The following RUNDC3B variants were observed in gnomAD, a reference collection of about 807,000 sequenced individuals.
RUNDC3B encodes RUN domain containing 3B.
A neutral mutation model predicts 58.4 loss-of-function variants in RUNDC3B; 33 were observed. The observed-to-expected ratio is 0.56, with a 90% CI of 0.43 to 0.75. The LOEUF (loss-of-function observed/expected upper bound fraction) is 0.75, where lower values mean the gene tolerates loss of function less well. RUNDC3B is among the 30% of genes least tolerant of loss of function. The probability of loss-of-function intolerance (pLI) is 0.00; values close to 1 mark genes in which losing one functional copy is unlikely to be tolerated. For missense variants in RUNDC3B, 501 were observed against 535.7 expected (o/e 0.94, Z 0.64); for synonymous variants, 193 against 195.2 (o/e 0.99, Z 0.10).
At chr7:87,694,138 T>C (rs1270058491) in intron 2 of RUNDC3B, 12 of 635,306 alleles carry the variant, frequency 1.9e-5, no homozygotes, top group African/African-American at 4.0e-5. Flanking sequence ...AGTATGCTTA[T>C]GCTAATTTTA....
intron 10 of RUNDC3B, among the ~76,000 whole-genome samples, chr7:87,820,780 A>T (rs1457236331): frequency 1.3e-5 from 2 of 151,314 alleles, no homozygotes; most frequent in Non-Finnish European, 3.0e-5. Context: ...AGAACCAAAG[A>T]CAAAAACCAC....
intron 5 of RUNDC3B, 121 bp from the exon 6 acceptor site, chr7:87,741,378 C>T (rs1243718271): frequency 1.8e-6 from 1 of 550,368 alleles, no homozygotes; most frequent in African/African-American, 2.0e-5. Flanking sequence ...AAATTGCAAA[C>T]AAAAAAATTC....
chr7:87,653,898 C>T (rs1823822427), intron 2 of RUNDC3B, among the ~76,000 whole-genome samples: 1 of 151,874 alleles, frequency 6.6e-6, no homozygotes, highest in African/African-American at 2.4e-5. Flanking sequence ...CTGTATTAGT[C>T]AGAATTTAAG....
chr7:87,791,818 A>G (rs1835535863), intron 8 of RUNDC3B, among the ~76,000 whole-genome samples: 1 of 152,122 alleles, frequency 6.6e-6, no homozygotes, highest in African/African-American at 2.4e-5. Context: ...AGAAAAGACC[A>G]CAAAGCAACC....
chr7:87,820,547 C>T (rs893865024), intron 10 of RUNDC3B, among the ~76,000 whole-genome samples: 8 of 152,184 alleles, frequency 5.3e-5, no homozygotes, highest in Admixed American at 2.6e-4. Context: ...ATGAGGCCAG[C>T]ATCATCCTGA....
chr7:87,721,799 GTC>G (rs905325506), intron 4 of RUNDC3B, among the ~76,000 whole-genome samples: 28 of 148,520 alleles, frequency 1.9e-4, no homozygotes, highest in Non-Finnish European at 1.3e-4. Context: ...CTCTGTCTCT[GTC>G]TCTCTCTCTC....
chr7:87,786,399 G>T (rs1254077087), intron 8 of RUNDC3B, among the ~76,000 whole-genome samples: 1 of 151,744 alleles, frequency 6.6e-6, no homozygotes. Context: ...AAAGAATTAT[G>T]TTTACATATT....
chr7:87,692,189 A>G (rs966907860), intron 2 of RUNDC3B, among the ~76,000 whole-genome samples: 8 of 152,098 alleles, frequency 5.3e-5, no homozygotes, highest in Non-Finnish European at 1.2e-4. Context: ...GGTGGCTCAC[A>G]ACTGTAATCC....
rs28746484 is a variant in RUNDC3B, at chr7:87,714,393, G to A, written c.458+3738G>A. On this transcript the variant is annotated intron_variant, in intron 4 of 10. Transcript: ENST00000394654. ...GGGATTTAGGGTCATTTGATTATGA[G>A]GTGAGATGGTCACATGGGGATGAAG... 9.9e-3 allele frequency among the ~76,000 whole-genome samples: 1,504 copies of A among 152,184 alleles called. 22 individuals are homozygous for A. The highest frequency in any genetic ancestry group is 0.034 in the African/African-American group (1,391 of 41,512).
rs552438709 is a variant in RUNDC3B at position 87,649,370 on chromosome 7, A to C, written c.123-1452A>C. On this transcript the variant is annotated intron_variant, in intron 1 of 10. Coordinates refer to ENST00000394654, the MANE Select transcript of RUNDC3B (RefSeq NM_001134405.2). ...AGCATTGTCCTAGGTGCTGAGGGAG[A>C]TACATAGTTCAGAAAGCGTGGTTCT... Among the ~76,000 whole-genome samples, 14 of 152,334 alleles carry C rather than the reference A, an allele frequency of 9.2e-5. No homozygotes were observed. In the South Asian group the frequency reaches 2.9e-3, roughly 32 times the overall value.
At chr7:87,723,695 A>G (rs1330138513) in intron 4 of RUNDC3B, among the ~76,000 whole-genome samples, 1 of 152,218 alleles carries the variant, frequency 6.6e-6, no homozygotes, top group Non-Finnish European at 1.5e-5. Context: ...TTTAGCTGAT[A>G]TAAATACAAG....
At chr7:87,807,621 T>C (rs1836507209) in intron 9 of RUNDC3B, 102 bp downstream of exon 9, 2 of 825,414 alleles carry the variant, frequency 2.4e-6, no homozygotes, top group East Asian at 2.6e-5. Context: ...AACTTATTAT[T>C]ATCTTAGAGC....
chr7:87,674,373 G>T (rs778496068), intron 2 of RUNDC3B, among the ~76,000 whole-genome samples: 1 of 152,136 alleles, frequency 6.6e-6, no homozygotes, highest in Non-Finnish European at 1.5e-5. Context: ...CAGGGGTGTG[G>T]TTGCTGGTAT....
At chr7:87,771,404 TAAATCCAA>T (rs1487064366) in intron 7 of RUNDC3B, among the ~76,000 whole-genome samples, 2 of 152,116 alleles carry the variant, frequency 1.3e-5, no homozygotes, top group Non-Finnish European at 2.9e-5. Flanking sequence ...AAAATATTTT[TAAATCCAA>T]ATTACATAGC....
Position 87,829,912 on chromosome 7 carries a change from G to GAGTAT in RUNDC3B, c.1253_1254insAGTAT (p.Leu419ValfsTer7). 1 of 1,605,348 alleles carries GAGTAT rather than the reference G, an allele frequency of 6.2e-7. No individual in the cohort carries two copies. Among genetic ancestry groups the GAGTAT allele is most frequent in the Middle Eastern group, 1.7e-4 (1 of 6,022 alleles). Reference sequence around the variant, plus strand: ...AAGGAAGATACTCCCTCATTACTTGGCCTCTGTGGATCTCTAACGTCAGTG... The same window carrying GAGTAT: ...AAGGAAGATACTCCCTCATTACTTGGAGTATCCTCTGTGGATCTCTAACGTCAGTG... On this transcript the variant is annotated frameshift_variant, in exon 11 of 11. Coordinates refer to ENST00000394654, the MANE Select transcript of RUNDC3B (RefSeq NM_001134405.2). LOFTEE classifies it high-confidence loss of function.
At chr7:87,742,121 G>A (rs1219239141) in intron 6 of RUNDC3B, among the ~76,000 whole-genome samples, 5 of 152,126 alleles carry the variant, frequency 3.3e-5, no homozygotes, top group Non-Finnish European at 5.9e-5. Flanking sequence ...AATCTCATCA[G>A]CATTAAATAA....
chr7:87,652,071 T>C (rs972153103), intron 2 of RUNDC3B, among the ~76,000 whole-genome samples: 10 of 152,216 alleles, frequency 6.6e-5, no homozygotes, highest in South Asian at 4.1e-4. Flanking sequence ...TATTATTAGA[T>C]ACTATATTGT....
intron 8 of RUNDC3B, among the ~76,000 whole-genome samples, chr7:87,788,474 T>C (rs938473179): frequency 2.6e-5 from 4 of 152,184 alleles, no homozygotes; most frequent in African/African-American, 7.2e-5. Flanking sequence ...TATAATTTCA[T>C]TGGGAGACAC....
chr7:87,816,402 T>G (rs1178059126), intron 10 of RUNDC3B, 140 bp downstream of exon 10: 1 of 622,828 alleles, frequency 1.6e-6, no homozygotes, highest in Non-Finnish European at 2.7e-6. Context: ...TTAAAAATGG[T>G]CTGCCTTTGT....
Sources: gnomAD v4.1 joint callset for allele counts (sites outside exome capture counted in the v4.1 genomes callset) on GRCh38, gnomAD v4.1.1 for gene constraint, MANE v1.5 for transcripts, NCBI Gene and HGNC (gene_info 2026-07-23, HGNC 2026-07-21) for gene names.